The following PANK2 variants were observed in gnomAD, a reference collection of about 807,000 sequenced individuals.
PANK2 encodes the protein pantothenate kinase 2.
PANK2 carries 36 observed loss-of-function variants against 43.1 expected under a neutral mutation model. The ratio of observed to expected loss-of-function variants is 0.84; its 90% CI spans 0.64 to 1.10. The LOEUF (loss-of-function observed/expected upper bound fraction) is 1.10, where lower values mean the gene tolerates loss of function less well. Among genes scored for constraint, PANK2 ranks in the 50% least tolerant of loss-of-function variants. The probability of loss-of-function intolerance (pLI) is 0.00; values close to 1 mark genes in which losing one functional copy is unlikely to be tolerated. For synonymous variants in PANK2, 281 were observed against 238.2 expected (o/e 1.18, Z -1.66); for missense variants, 576 against 593.3 (o/e 0.97, Z 0.30).
In PANK2 at chr20:3,899,788, A is replaced by G. The variant is rs1179000067; in HGVS notation, c.299-8138A>G. On this transcript the variant is annotated intron_variant, in intron 1 of 6. Transcript: ENST00000610179. ...AGTGCTGCGATCTTGGCTCACTGCA[A>G]GCTCCGCCTCCCGGCTTCACACCAT... is the stretch of plus-strand genomic sequence containing the variant. Among the ~76,000 whole-genome samples the G allele has an allele frequency of 2.7e-5, 4 of 148,070 alleles. 1 individual carries two copies. The highest frequency in any genetic ancestry group is 2.1e-4 in the Admixed American group (3 of 14,332).
chr20:3,888,843 TGGGGGA>T, upstream of PANK2: 1 of 474,092 alleles, frequency 2.1e-6, no homozygotes, highest in African/African-American at 2.0e-5. Context: ...CCAAACATGC[TGGGGGA>T]GGGGCTGGCG....
At chr20:3,906,611 A>G (rs1021758590) in intron 1 of PANK2, among the ~76,000 whole-genome samples, 1 of 152,304 alleles carries the variant, frequency 6.6e-6, no homozygotes, top group South Asian at 2.1e-4. Context: ...ATTATTTTAC[A>G]ATAAAATGTC....
At chr20:3,891,601 A>G (rs73574265) in intron 1 of PANK2, among the ~76,000 whole-genome samples, 2 of 152,220 alleles carry the variant, frequency 1.3e-5, no homozygotes, top group South Asian at 4.1e-4. Context: ...AAGACCAAGC[A>G]TAAGTTTGAT....
intron 1 of PANK2, among the ~76,000 whole-genome samples, chr20:3,897,924 G>T (rs1029467836): frequency 2.6e-5 from 4 of 152,118 alleles, no homozygotes; most frequent in Admixed American, 1.3e-4. Context: ...AGAATCGCTT[G>T]AACAACTGGG....
rs1203357543 is a variant in PANK2 at position 3,912,479 on chromosome 20, T to C, written c.927T>C (p.Phe309=). Residue 309 remains phenylalanine (F), a synonymous_variant, in exon 4 of 7, where the codon TTT becomes TTC. Coordinates refer to ENST00000610179, the MANE Select transcript of PANK2 (RefSeq NM_001386393.1). ...ATAGTCTTGGAGGAGGAACTTTTTT[T>C]GGTCTCTGCTGTCTTCTTACTGGCT... is the stretch of plus-strand genomic sequence containing the variant. 1 of 1,614,200 alleles carries C rather than the reference T, an allele frequency of 6.2e-7. No individual in the cohort carries two copies. Among genetic ancestry groups the C allele is most frequent in the East Asian group, 2.2e-5 (1 of 44,880 alleles).
At chr20:3,913,529 G>T (rs190563479) in intron 4 of PANK2, among the ~76,000 whole-genome samples, 1 of 151,908 alleles carries the variant, frequency 6.6e-6, no homozygotes, top group East Asian at 1.9e-4. Context: ...TTTTTAGTAG[G>T]GAAAGGATTT....
chr20:3,895,554 A>G (rs1363897369), intron 1 of PANK2, among the ~76,000 whole-genome samples: 6 of 142,654 alleles, frequency 4.2e-5, no homozygotes, highest in Admixed American at 7.3e-5. Flanking sequence ...AGACTAGGCT[A>G]TTGTAGAGCA....
At chr20:3,910,153 G>A (rs995045649) in intron 2 of PANK2, among the ~76,000 whole-genome samples, 9 of 152,126 alleles carry the variant, frequency 5.9e-5, no homozygotes, top group African/African-American at 1.7e-4. Context: ...GCCTTGAGAT[G>A]GTCCTCTGTC....
chr20:3,899,390 C>G lies in PANK2; in HGVS notation c.299-8536C>G, dbSNP rs372927530. 1.3e-5 allele frequency among the ~76,000 whole-genome samples: 2 copies of G among 151,500 alleles called. 1 individual carries two copies. The highest frequency in any genetic ancestry group is 3.9e-4 in the East Asian group (2 of 5,164). On this transcript the variant is annotated intron_variant, in intron 1 of 6. Coordinates refer to ENST00000610179, the MANE Select transcript of PANK2 (RefSeq NM_001386393.1). ...TTCACCATGTTAGTCAGGCTGGTCT[C>G]GAACTCCTAACCTCTGGTGGTCCAC... is the stretch of plus-strand genomic sequence containing the variant.
chr20:3,909,102 G>A (rs1383963337), intron 2 of PANK2, among the ~76,000 whole-genome samples: 1 of 152,074 alleles, frequency 6.6e-6, no homozygotes, highest in Non-Finnish European at 1.5e-5. Context: ...GTTTTGTTTT[G>A]TTTTCTTGAG....
chr20:3,897,623 T>C (rs1183335246), intron 1 of PANK2, among the ~76,000 whole-genome samples: 1 of 150,480 alleles, frequency 6.6e-6, no homozygotes, highest in Admixed American at 6.6e-5. Context: ...GCCAGGGAGG[T>C]TGAGGCTGCA....
rs2090760729 is a variant in PANK2 at position 3,928,472 on chromosome 20, T to A, written c.*5178T>A. 1.3e-5 allele frequency: 2 copies of A among 152,060 alleles called. No individual in the cohort carries two copies. Among genetic ancestry groups the A allele is most frequent in the Admixed American group, 1.3e-4 (2 of 15,266 alleles). The allele number at this position is 152,060 out of a possible 1,614,324, so 9.4% of individuals were successfully genotyped here. A position where few individuals can be genotyped will look rare whatever the true frequency, so the allele number is the denominator to read the frequency against. On this transcript the variant is annotated 3_prime_UTR_variant, in exon 7 of 7. Coordinates refer to ENST00000610179, the MANE Select transcript of PANK2 (RefSeq NM_001386393.1). ...AAAAATGAACTTAAACTAAAAAAAT[T>A]ATTGGCCGGGCGCAGTGGCTCACGC...
chr20:3,889,371 C>CCCCT, upstream of PANK2: 1 of 1,575,204 alleles, frequency 6.3e-7, no homozygotes, highest in Non-Finnish European at 8.6e-7. Context: ...AGGCGGCCGG[C>CCCCT]CGAGGGCGCG....
Position 3,915,362 on chromosome 20 carries a change from G to A in PANK2, c.1083-1565G>A, listed in dbSNP as rs554351976. 6.6e-5 allele frequency among the ~76,000 whole-genome samples: 10 copies of A among 151,910 alleles called. No homozygotes were observed. In the South Asian group the frequency reaches 1.2e-3, roughly 19 times the overall value. ...TCACCAGGCTGGAGTGCAGTGGTGC[G>A]ATCTCGGCTCACTGCAACCTCCACC... On this transcript the variant is annotated intron_variant, in intron 4 of 6. Coordinates refer to ENST00000610179, the MANE Select transcript of PANK2 (RefSeq NM_001386393.1).
chr20:3,910,106 T>C (rs1008815098), intron 2 of PANK2, among the ~76,000 whole-genome samples: 8 of 152,186 alleles, frequency 5.3e-5, no homozygotes, highest in African/African-American at 1.9e-4. Flanking sequence ...CTTCAGTTTG[T>C]TAAATAATGT....
At position 3,928,447 on chromosome 20, in the gene PANK2, A is replaced by G. The variant is rs1399992084; in HGVS notation, c.*5153A>G. ...AGCTCTAACTTTCATCAGCGGGGAC[A>G]AAAATGAACTTAAACTAAAAAAATT... On this transcript the variant is annotated 3_prime_UTR_variant, in exon 7 of 7. Coordinates refer to ENST00000610179, the MANE Select transcript of PANK2 (RefSeq NM_001386393.1). 6.6e-6 allele frequency: 1 copy of G among 152,198 alleles called. No homozygotes were observed. The highest frequency in any genetic ancestry group is 1.5e-5 in the Non-Finnish European group (1 of 68,066). 9.4% of individuals were successfully genotyped at this position (152,198 alleles called of 1,614,324 possible).
chr20:3,894,819 G>A (rs969691860), intron 1 of PANK2, among the ~76,000 whole-genome samples: 1 of 152,100 alleles, frequency 6.6e-6, no homozygotes, highest in Non-Finnish European at 1.5e-5. Context: ...TAAGCAATAA[G>A]CAGGGACTAA....
chr20:3,911,330 A>G (rs1261261023), intron 3 of PANK2, among the ~76,000 whole-genome samples: 1 of 152,216 alleles, frequency 6.6e-6, no homozygotes, highest in Non-Finnish European at 1.5e-5. Context: ...CATGCCTGTA[A>G]TCCCAGCACT....
chr20:3,908,105 C>G lies in PANK2; in HGVS notation c.478C>G (p.Leu160Val). 6.2e-7 allele frequency: 1 copy of G among 1,614,136 alleles called. No homozygotes were observed. The highest frequency in any genetic ancestry group is 8.5e-7 in the Non-Finnish European group (1 of 1,179,990). ...AGGCATTCGGGACGTGCACCTCGAG[C>G]TGAAGGACCTGACTCTGTGTGGACG... Residue 160 changes from leucine to valine, a missense_variant, in exon 2 of 7, where the codon CTG becomes GTG. Physicochemically the swap from Leu to Val is conservative, Grantham distance 32. Around this residue, in one of 2 missense-constraint regions of PANK2, gnomAD observed 544 missense variants for 528.9 expected, o/e 1.03. Coordinates refer to ENST00000610179, the MANE Select transcript of PANK2 (RefSeq NM_001386393.1).
Sources: gnomAD v4.1 joint callset for allele counts (sites outside exome capture counted in the v4.1 genomes callset) on GRCh38, gnomAD v4.1.1 for gene constraint, gnomAD v4.1.1 regional missense constraint, MANE v1.5 for transcripts, NCBI Gene and HGNC (gene_info 2026-07-23, HGNC 2026-07-21) for gene names.